Variants in STEAP3 observed in about 807,000 individuals in gnomAD.
STEAP3 encodes the protein STEAP3 metalloreductase.
In STEAP3, 35 loss-of-function variants were observed where a neutral mutation model predicts 34.9. The ratio of observed to expected loss-of-function variants is 1.00; its 90% CI spans 0.76 to 1.33. The LOEUF (loss-of-function observed/expected upper bound fraction) is 1.33. Ranked by LOEUF, STEAP3 falls within the 40% of genes most tolerant of loss-of-function variation. STEAP3 has a pLI of 0.00. For missense variants in STEAP3, 652 were observed against 667.6 expected, an observed-to-expected ratio of 0.98 and a Z score of 0.26; for synonymous variants, 281 against 301.6, an observed-to-expected ratio of 0.93 and a Z score of 0.71.
intron 1 of STEAP3, 61 bp from the exon 2 acceptor site, chr2:119,230,559 C>T: frequency 5.7e-6 from 1 of 175,574 alleles, no homozygotes; most frequent in Non-Finnish European, 1.2e-5. Context: ...CCTTTGTATC[C>T]CGAAGAGTAA....
intron 2 of STEAP3, among the ~76,000 whole-genome samples, chr2:119,235,605 T>G (rs901578370): frequency 6.6e-6 from 1 of 152,240 alleles, no homozygotes; most frequent in Non-Finnish European, 1.5e-5. Context: ...GTGACCCTGA[T>G]GCAGCTCAAG....
intron 1 of STEAP3, among the ~76,000 whole-genome samples, chr2:119,229,899 T>A (rs1367582536): frequency 6.6e-6 from 1 of 152,050 alleles, no homozygotes; most frequent in Admixed American, 6.5e-5. Context: ...GATTCAGGAA[T>A]CTAGCCCTGC....
In STEAP3 at chr2:119,247,766, T is replaced by A; in HGVS notation, c.610T>A (p.Ser204Thr). 1.2e-6 allele frequency: 2 copies of A among 1,606,034 alleles called. No individual in the cohort carries two copies. The highest frequency in any genetic ancestry group is 1.7e-6 in the Non-Finnish European group (2 of 1,177,864). Residue 204 changes from serine (S) to threonine (T), a missense_variant, in exon 4 of 6, where the codon TCC becomes ACC. Transcript: ENST00000393110. ...GGGCTTCATGCCCGTGGACATGGGA[T>A]CCCTGGCGTCAGCCTGGGAGGTGGA... ...AMGFMPVDMG[S>T]LASAWEVEAM...
At chr2:119,230,034 G>A (rs1405786857) in intron 1 of STEAP3, among the ~76,000 whole-genome samples, 1 of 152,210 alleles carries the variant, frequency 6.6e-6, no homozygotes, top group East Asian at 1.9e-4. Context: ...CTGTTTATCA[G>A]ATGCTCAGGG....
intron 3 of STEAP3, 146 bp from the exon 4 acceptor site, chr2:119,247,533 A>T: frequency 4.2e-6 from 4 of 955,228 alleles, no homozygotes; most frequent in Non-Finnish European, 5.9e-6. Context: ...CTAGAACCCC[A>T]TTGGCTCCCA....
chr2:119,235,512 G>GT (rs1677069358), intron 2 of STEAP3, among the ~76,000 whole-genome samples: 1 of 152,230 alleles, frequency 6.6e-6, no homozygotes. Context: ...TACTGCAGTG[G>GT]TTTTCAAAGT....
At chr2:119,224,663 G>T (rs1267585125) in intron 1 of STEAP3, among the ~76,000 whole-genome samples, 1 of 152,220 alleles carries the variant, frequency 6.6e-6, no homozygotes, top group African/African-American at 2.4e-5. Context: ...CCTGGCAGAG[G>T]GCACAGAGAG....
rs776232633 is a variant in STEAP3, at chr2:119,247,822, G to A, written c.666G>A (p.Trp222Ter). The A allele has an allele frequency of 2.5e-6, 4 of 1,612,888 alleles. No homozygotes were observed. The South Asian group carries it at 4.4e-5, about 18-fold the overall frequency. The change falls in exon 4 of 6, where the codon TGG becomes TGA. Residue 222 changes from tryptophan (W) to a stop codon, truncating the protein, a stop_gained. Transcript: ENST00000393110. LOFTEE classifies it high-confidence loss of function. ...EAMPLRLLPA[W>*]KVPTLLALGL... Reference sequence around the variant, plus strand: ...TGCCCCTGCGCCTCCTCCCGGCCTGGAAGGTGCCCACCCTGCTGGCCCTGG... The same window carrying A: ...TGCCCCTGCGCCTCCTCCCGGCCTGAAAGGTGCCCACCCTGCTGGCCCTGG...
intron 4 of STEAP3, among the ~76,000 whole-genome samples, chr2:119,249,440 G>A (rs114504402): frequency 0.055 from 8,410 of 152,098 alleles, 278 homozygotes; most frequent in African/African-American, 0.067. Flanking sequence ...GCCCAGCCCC[G>A]GGGCTGGTTG....
Position 119,230,733 on chromosome 2 carries a change from C to A in STEAP3, c.-280C>A, listed in dbSNP as rs999183637. 1.8e-6 allele frequency: 1 copy of A among 549,334 alleles called. No homozygotes were observed. Among genetic ancestry groups the A allele is most frequent in the East Asian group, 3.0e-5 (1 of 33,406 alleles). 34.0% of individuals were successfully genotyped at this position (549,334 alleles called of 1,614,324 possible). A position where few individuals can be genotyped will look rare whatever the true frequency, so the allele number is the denominator to read the frequency against. ...ATTATCACCCGTGAGGTTTCCTCCC[C>A]GAGCAGGAAGCAGCAGGCCAGAGCT... On this transcript the variant is annotated 5_prime_UTR_variant, in exon 2 of 6. Coordinates refer to ENST00000393110, the MANE Select transcript of STEAP3 (RefSeq NM_182915.3).
At chr2:119,237,531 T>A (rs1432773531) in intron 2 of STEAP3, among the ~76,000 whole-genome samples, 1 of 152,150 alleles carries the variant, frequency 6.6e-6, no homozygotes, top group Non-Finnish European at 1.5e-5. Flanking sequence ...ACCTCCAGTA[T>A]TGGAGATCAG....
chr2:119,226,299 C>T (rs1233426320), intron 1 of STEAP3, among the ~76,000 whole-genome samples: 1 of 152,246 alleles, frequency 6.6e-6, no homozygotes, highest in Non-Finnish European at 1.5e-5. Context: ...CCACTCTTTC[C>T]TGTCCACCCA....
In STEAP3 at chr2:119,248,071, G is replaced by A; in HGVS notation, c.915G>A (p.Leu305=). Residue 305 remains leucine, a synonymous_variant, in exon 4 of 6, where the codon CTG becomes CTA. Coordinates refer to ENST00000393110, the MANE Select transcript of STEAP3 (RefSeq NM_182915.3). Reference sequence around the variant, plus strand: ...AGTACCAGCGCTTCCCCGACTGGCTGGACCACTGGCTACAGCACCGCAAGC... The same window carrying A: ...AGTACCAGCGCTTCCCCGACTGGCTAGACCACTGGCTACAGCACCGCAAGC... ...GTKYQRFPDW[L]DHWLQHRKQI... is the part of the protein sequence containing the mutation. 4 of 1,608,520 alleles carry A rather than the reference G, an allele frequency of 2.5e-6. No homozygotes were observed. Among genetic ancestry groups the A allele is most frequent in the Non-Finnish European group, 3.4e-6 (4 of 1,179,894 alleles).
chr2:119,236,468 A>G (rs1677096588), intron 2 of STEAP3, among the ~76,000 whole-genome samples: 1 of 152,162 alleles, frequency 6.6e-6, no homozygotes, highest in South Asian at 2.1e-4. Flanking sequence ...CTGATCCTGA[A>G]TAAATCCAGA....
rs184069862 is a variant in STEAP3, at chr2:119,255,794, G to A, written c.1215+946G>A. On this transcript the variant is annotated intron_variant, in intron 5 of 5. Transcript: ENST00000393110. ...GAACATACTCTGGGAAATGCTGCTA[G>A]TGGCAAAAGTTTCTTTTTGCATTTG... Among the ~76,000 whole-genome samples the A allele has an allele frequency of 3.2e-3, 481 of 151,930 alleles. 4 individuals carry two copies. The highest frequency in any genetic ancestry group is 4.6e-3 in the Non-Finnish European group (316 of 67,970).
At chr2:119,239,961 A>G (rs763261535) in intron 2 of STEAP3, among the ~76,000 whole-genome samples, 4 of 152,266 alleles carry the variant, frequency 2.6e-5, no homozygotes, top group Admixed American at 6.5e-5. Flanking sequence ...TATTTTACTT[A>G]TAAAGAAATA....
chr2:119,242,439 G>A (rs1035108827), intron 2 of STEAP3, among the ~76,000 whole-genome samples: 2 of 152,142 alleles, frequency 1.3e-5, no homozygotes, highest in South Asian at 4.1e-4. Flanking sequence ...ATTCACCTCG[G>A]CCCAAATTGC....
intron 2 of STEAP3, among the ~76,000 whole-genome samples, chr2:119,239,672 G>T (rs1026007023): frequency 2.0e-5 from 3 of 152,122 alleles, no homozygotes; most frequent in Non-Finnish European, 2.9e-5. Flanking sequence ...ATTCGTCAAA[G>T]TTCGGCTCAG....
At chr2:119,256,617 G>A (rs773896929) in intron 5 of STEAP3, among the ~76,000 whole-genome samples, 4 of 152,230 alleles carry the variant, frequency 2.6e-5, no homozygotes, top group Non-Finnish European at 5.9e-5. Flanking sequence ...TTAAAGAGTG[G>A]AAATACAAAT....
Sources: allele counts gnomAD v4.1 joint callset (sites outside exome capture counted in the v4.1 genomes callset), GRCh38; gene constraint gnomAD v4.1.1; transcripts MANE v1.5; gene names NCBI Gene and HGNC (gene_info 2026-07-23, HGNC 2026-07-21).